The following PCDH7 variants were observed in gnomAD, a reference collection of about 807,000 sequenced individuals.
PCDH7 encodes the protein protocadherin-7.
A neutral mutation model predicts 58.9 loss-of-function variants in PCDH7; 17 were observed. The observed-to-expected ratio is 0.29, with a 90% CI of 0.20 to 0.43. PCDH7 has a LOEUF of 0.43. PCDH7 is among the 20% of genes least tolerant of loss of function. The pLI is 1.00. For missense variants in PCDH7, 1,274 were observed against 1,441.0 expected, an observed-to-expected ratio of 0.88 and a Z score of 1.88; for synonymous variants, 664 against 616.4, an observed-to-expected ratio of 1.08 and a Z score of -1.14.
At chr4:30,998,563 C>A (rs1190215233) in intron 3 of PCDH7, among the ~76,000 whole-genome samples, 2 of 151,908 alleles carry the variant, frequency 1.3e-5, no homozygotes, top group East Asian at 1.9e-4. Flanking sequence ...CCAAAAATGC[C>A]AATTTTTATG....
At chr4:30,790,776 T>C (rs968308173) in intron 1 of PCDH7, among the ~76,000 whole-genome samples, 37 of 151,960 alleles carry the variant, frequency 2.4e-4, no homozygotes, top group Non-Finnish European at 4.7e-4. Context: ...AAAACAAAAT[T>C]AGCCGGGTGT....
chr4:30,720,425 G>T lies in PCDH7; in HGVS notation c.-998G>T. Reference sequence around the variant, plus strand: ...TCCGACATGCGGGCCGAATGCAGGTGAGAAAAGGCACGGACTCTGCGGCTG... The same window carrying T: ...TCCGACATGCGGGCCGAATGCAGGTTAGAAAAGGCACGGACTCTGCGGCTG... On this transcript the variant is annotated 5_prime_UTR_variant, in exon 1 of 2. It removes the in-frame stop codon of an upstream open reading frame in the 5' UTR. Coordinates refer to ENST00000361762, the Ensembl canonical transcript of PCDH7. This position sits in a 1 kb window ranked among gnomAD's most constrained non-coding sequence, Gnocchi z 4.7. The T allele has an allele frequency of 6.5e-6, 1 of 152,910 alleles. No homozygotes were observed. 9.5% of individuals were successfully genotyped at this position (152,910 alleles called of 1,614,324 possible).
At chr4:30,895,534 T>G (rs1266565490) in intron 1 of PCDH7, among the ~76,000 whole-genome samples, 3 of 152,164 alleles carry the variant, frequency 2.0e-5, no homozygotes, top group African/African-American at 4.8e-5. Flanking sequence ...ATGAATGTTA[T>G]TTTCCCCTAT....
At chr4:31,113,934 G>T (rs1206574549) in intron 3 of PCDH7, among the ~76,000 whole-genome samples, 1 of 147,502 alleles carries the variant, frequency 6.8e-6, no homozygotes, top group Non-Finnish European at 1.5e-5. Flanking sequence ...CCAGGTTCAA[G>T]CCATTCTCTT....
chr4:30,937,103 T>C lies in PCDH7; in HGVS notation c.288-13017T>C, dbSNP rs1213854117. ...GAGTTGGTCCCATGACTCCCAAAGA[T>C]TGTGGAAACAAAGCAATTAACTTTT... On this transcript the variant is annotated intron_variant, in intron 2 of 3. Transcript: ENST00000509759. Among the ~76,000 whole-genome samples the C allele has an allele frequency of 6.6e-5, 10 of 152,026 alleles. 1 individual carries two copies. Among genetic ancestry groups the C allele is most frequent in the Admixed American group, 5.9e-4 (9 of 15,248 alleles).
chr4:30,955,193 T>C (rs1747724217), intron 3 of PCDH7, among the ~76,000 whole-genome samples: 1 of 152,120 alleles, frequency 6.6e-6, no homozygotes. Flanking sequence ...TGTTTGGTGC[T>C]CTTAAGGAAG....
chr4:31,049,688 T>C (rs1756584842), intron 3 of PCDH7, among the ~76,000 whole-genome samples: 3 of 152,070 alleles, frequency 2.0e-5, no homozygotes, highest in Non-Finnish European at 4.4e-5. Context: ...ATCAGGGCCC[T>C]GTTTGACTCT....
At chr4:30,789,603 G>GT (rs1053077774) in intron 1 of PCDH7, among the ~76,000 whole-genome samples, 13 of 151,200 alleles carry the variant, frequency 8.6e-5, no homozygotes, top group South Asian at 4.2e-4. Flanking sequence ...TGTATAGAGG[G>GT]TTTTTTTTTC....
At chr4:30,820,596 G>A (rs1486748284) in intron 1 of PCDH7, among the ~76,000 whole-genome samples, 2 of 151,950 alleles carry the variant, frequency 1.3e-5, no homozygotes, top group Non-Finnish European at 1.5e-5. Context: ...GAAAACTGAA[G>A]TAAACAACAC....
intron 2 of PCDH7, among the ~76,000 whole-genome samples, chr4:30,936,614 A>G (rs967154553): frequency 2.7e-5 from 4 of 149,854 alleles, no homozygotes; most frequent in East Asian, 1.9e-4. Flanking sequence ...CTATCTGTGT[A>G]TTATAAACCA....
chr4:31,036,635 T>G (rs1755435665), intron 3 of PCDH7, among the ~76,000 whole-genome samples: 1 of 152,220 alleles, frequency 6.6e-6, no homozygotes, highest in Admixed American at 6.5e-5. Flanking sequence ...CATTCTTTCA[T>G]CGAAAATGTT....
intron 3 of PCDH7, among the ~76,000 whole-genome samples, chr4:31,053,600 A>T (rs78664573): frequency 1.3e-5 from 2 of 152,064 alleles, no homozygotes; most frequent in African/African-American, 4.8e-5. Context: ...ATAAAAAATC[A>T]GTTTGATTTC....
intron 1 of PCDH7, among the ~76,000 whole-genome samples, chr4:30,824,632 T>A (rs183200790): frequency 2.6e-5 from 4 of 152,104 alleles, no homozygotes; most frequent in Admixed American, 2.6e-4. Context: ...AGAGTACGGT[T>A]TTATCAGGCA....
At chr4:30,985,991 C>G (rs1385592368) in intron 3 of PCDH7, among the ~76,000 whole-genome samples, 1 of 152,096 alleles carries the variant, frequency 6.6e-6, no homozygotes, top group Non-Finnish European at 1.5e-5. Context: ...GTGTTACACC[C>G]CAAGACTATC....
At chr4:30,747,114 A>G (rs1288804252) in intron 1 of PCDH7, among the ~76,000 whole-genome samples, 1 of 152,170 alleles carries the variant, frequency 6.6e-6, no homozygotes, top group Non-Finnish European at 1.5e-5. Flanking sequence ...ATGATTTTCT[A>G]AAGGCATTAG....
At chr4:30,978,795 T>C (rs1750296326) in intron 3 of PCDH7, among the ~76,000 whole-genome samples, 1 of 152,186 alleles carries the variant, frequency 6.6e-6, no homozygotes, top group African/African-American at 2.4e-5. Flanking sequence ...GTACTACATG[T>C]AAGTGACTGT....
chr4:30,952,478 A>G (rs1210205148), intron 3 of PCDH7, among the ~76,000 whole-genome samples: 2 of 152,076 alleles, frequency 1.3e-5, no homozygotes, highest in African/African-American at 4.8e-5. Flanking sequence ...GGAGAAAAAA[A>G]AAATCTTTGA....
At chr4:30,837,467 TAA>T (rs1260649368) in intron 1 of PCDH7, among the ~76,000 whole-genome samples, 6 of 140,886 alleles carry the variant, frequency 4.3e-5, no homozygotes, top group Admixed American at 3.6e-4. Flanking sequence ...GTTGTGTCAT[TAA>T]AAAAAAAAAA....
intron 3 of PCDH7, among the ~76,000 whole-genome samples, chr4:31,120,171 G>T (rs1388330938): frequency 6.6e-6 from 1 of 151,864 alleles, no homozygotes; most frequent in East Asian, 1.9e-4. Flanking sequence ...GTCACATATC[G>T]AATTAAGAAA....
Sources: gnomAD v4.1 joint callset for allele counts (sites outside exome capture counted in the v4.1 genomes callset) on GRCh38, gnomAD v4.1.1 for gene constraint, Gnocchi (gnomAD v3.1) non-coding constraint, MANE v1.5 for transcripts, NCBI Gene and HGNC (gene_info 2026-07-23, HGNC 2026-07-21) for gene names.